Variants in GSDMC observed in about 807,000 individuals in gnomAD.
GSDMC encodes the protein gasdermin-C.
In GSDMC, 59 loss-of-function variants were observed where a neutral mutation model predicts 58.0. The observed-to-expected ratio is 1.02, with a 90% CI of 0.82 to 1.26. The LOEUF (loss-of-function observed/expected upper bound fraction) is 1.26, where lower values mean the gene tolerates loss of function less well. GSDMC is among the 50% of genes most tolerant of loss of function. The probability of loss-of-function intolerance (pLI) is 0.00; values close to 1 mark genes in which losing one functional copy is unlikely to be tolerated. For missense variants in GSDMC, 659 were observed against 598.5 expected, an observed-to-expected ratio of 1.10 and a Z score of -1.06; for synonymous variants, 241 against 220.2, an observed-to-expected ratio of 1.09 and a Z score of -0.83.
chr8:129,771,132 A>G (rs2130509579), intron 3 of GSDMC, among the ~76,000 whole-genome samples: 1 of 151,774 alleles, frequency 6.6e-6, no homozygotes, highest in East Asian at 1.9e-4. Flanking sequence ...ATACTACTAT[A>G]AATATGCACC....
At chr8:129,760,636 T>TGCCTGATTCTTTCCCATA in intron 5 of GSDMC, 47 bp from the exon 6 acceptor site, 1 of 1,083,592 alleles carries the variant, frequency 9.2e-7, no homozygotes, top group Non-Finnish European at 1.4e-6. Flanking sequence ...AGGTTATTCC[T>TGCCTGATTCTTTCCCATA]GCCTGAACCT....
chr8:129,772,615 G>A (rs935745558), intron 3 of GSDMC, among the ~76,000 whole-genome samples: 3 of 152,130 alleles, frequency 2.0e-5, no homozygotes, highest in Non-Finnish European at 2.9e-5. Context: ...CAAGTAAGGT[G>A]ATTAAATCAG....
At chr8:129,776,761 TTTG>T (rs892359915) in intron 2 of GSDMC, among the ~76,000 whole-genome samples, 4 of 144,784 alleles carry the variant, frequency 2.8e-5, no homozygotes, top group East Asian at 2.0e-4. Context: ...TGTTGTTGTT[TTTG>T]TTGTTGTTGT....
At chr8:129,758,609 G>A (rs183850783) in intron 6 of GSDMC, among the ~76,000 whole-genome samples, 9 of 152,022 alleles carry the variant, frequency 5.9e-5, no homozygotes, top group Middle Eastern at 3.4e-3. Flanking sequence ...AAAATTAATC[G>A]CATTGACAAT....
In GSDMC at chr8:129,777,618, A is replaced by T. The variant is rs1429715537; in HGVS notation, c.-4-27T>A. ...TAGGAGGAGATGAAAGGAGAGCATC[A>T]GTTGGGAGAGGAAGAAAATGGTTAA... On this transcript the variant is annotated intron_variant, in intron 1 of 13. Transcript: ENST00000276708. The T allele has an allele frequency of 2.5e-6, 3 of 1,187,690 alleles. No individual in the cohort carries two copies. In the African/African-American group the frequency reaches 4.5e-5, roughly 18 times the overall value. 73.6% of individuals were successfully genotyped at this position (1,187,690 alleles called of 1,614,324 possible).
the GSDMC span, among the ~76,000 whole-genome samples, chr8:129,720,747 C>A: frequency 2.0e-5 from 3 of 152,184 alleles, no homozygotes; most frequent in African/African-American, 7.2e-5. Context: ...TTCCAATTGT[C>A]CTACACTGTA....
At chr8:129,769,364 T>C (rs931807396) in intron 3 of GSDMC, among the ~76,000 whole-genome samples, 1 of 152,176 alleles carries the variant, frequency 6.6e-6, no homozygotes, top group Non-Finnish European at 1.5e-5. Context: ...AAGGATGATA[T>C]ATTCAAGATA....
the GSDMC span, among the ~76,000 whole-genome samples, chr8:129,722,177 T>A: frequency 6.6e-6 from 1 of 152,262 alleles, no homozygotes; most frequent in Non-Finnish European, 1.5e-5. Flanking sequence ...CTTCCCACTG[T>A]TGATGAGTGT....
chr8:129,753,329 T>TG (rs1217755496), intron 6 of GSDMC, among the ~76,000 whole-genome samples: 1 of 152,146 alleles, frequency 6.6e-6, no homozygotes, highest in African/African-American at 2.4e-5. Flanking sequence ...GACAGGAGAC[T>TG]GGGTAGAGTT....
At chr8:129,706,613 A>G in the GSDMC span, 60,529 of 152,092 alleles carry the variant, frequency 0.4, 17,034 homozygotes, top group African/African-American at 0.77. Flanking sequence ...ATATCTGTGG[A>G]AGGAATGATG....
rs1233870059 is a variant in GSDMC at position 129,748,346 on chromosome 8, C to T, written c.*155G>A. 7.8e-6 allele frequency: 5 copies of T among 639,652 alleles called. No homozygotes were observed. The East Asian group carries it at 1.5e-4, about 19-fold the overall frequency. The allele number at this position is 639,652 out of a possible 1,614,324, so 39.6% of individuals were successfully genotyped here. On this transcript the variant is annotated 3_prime_UTR_variant, in exon 14 of 14. Coordinates refer to ENST00000276708, the MANE Select transcript of GSDMC (RefSeq NM_031415.3). The stretch of plus-strand genomic sequence containing the variant: ...GTCAATATATAGAGTATTCCACCAC[C>T]CCAAAACATTTCCTAAAGTCTCTAC...
In GSDMC at chr8:129,750,482, A is replaced by G. The variant is rs777421063; in HGVS notation, c.1032T>C (p.Ser344=). The change falls in exon 11 of 14, where the codon AGT becomes AGC. Residue 344 remains serine, a synonymous_variant. Coordinates refer to ENST00000276708, the MANE Select transcript of GSDMC (RefSeq NM_031415.3). ...SKDVQDVMFY[S]ILAMLRDRGA... is the part of the protein sequence containing the mutation. The stretch of plus-strand genomic sequence containing the variant: ...CTCTGTCTCTGAGCATGGCCAGGAT[A>G]CTGTAGAACATGACATCCTGAACAT... 6.2e-7 allele frequency: 1 copy of G among 1,613,768 alleles called. No homozygotes were observed.
chr8:129,755,758 A>G (rs12680164), intron 6 of GSDMC, among the ~76,000 whole-genome samples: 10,097 of 152,100 alleles, frequency 0.066, 433 homozygotes, highest in East Asian at 0.2. Context: ...CTTTTTGCCT[A>G]TTAGTTCATT....
downstream of GSDMC, among the ~76,000 whole-genome samples, chr8:129,745,235 A>C (rs2130297094): frequency 6.6e-6 from 1 of 152,326 alleles, no homozygotes; most frequent in South Asian, 2.1e-4. Context: ...ACACTTAATG[A>C]AGTTTTTGAA....
At chr8:129,730,170 A>C in the GSDMC span, 1 of 1,118,222 alleles carries the variant, frequency 8.9e-7, no homozygotes, top group Non-Finnish European at 1.2e-6. Context: ...GGCTATGAAA[A>C]AGTTATGTGT....
At chr8:129,766,993 C>A (rs2033884454) in intron 3 of GSDMC, among the ~76,000 whole-genome samples, 1 of 152,210 alleles carries the variant, frequency 6.6e-6, no homozygotes. Flanking sequence ...TACATTCCTA[C>A]TAGCAGTGGC....
At chr8:129,762,581 A>AC (rs763497871) in intron 5 of GSDMC, 45 bp downstream of exon 5, 1 of 1,097,020 alleles carries the variant, frequency 9.1e-7, no homozygotes, top group Non-Finnish European at 1.4e-6. Flanking sequence ...AGAAGCAGAC[A>AC]CCCCCTCCAC....
the GSDMC span, among the ~76,000 whole-genome samples, chr8:129,719,018 C>T: frequency 6.6e-6 from 1 of 152,082 alleles, no homozygotes; most frequent in Non-Finnish European, 1.5e-5. Context: ...GAGTATCACA[C>T]ACCGGGGCCT....
chr8:129,768,736 T>A (rs1285922022), intron 3 of GSDMC, among the ~76,000 whole-genome samples: 1 of 150,670 alleles, frequency 6.6e-6, no homozygotes, highest in Admixed American at 6.7e-5. Flanking sequence ...AACAAAAAAA[T>A]ATTCTCCAGA....
Sources: allele counts gnomAD v4.1 joint callset (sites outside exome capture counted in the v4.1 genomes callset), GRCh38; gene constraint gnomAD v4.1.1; transcripts MANE v1.5; gene names NCBI Gene and HGNC (gene_info 2026-07-23, HGNC 2026-07-21).